CENPU: variants seen among roughly 807,000 people sequenced by gnomAD.
CENPU encodes the protein KSHV latent nuclear antigen interacting protein 1.
Under a neutral mutation model 56.7 loss-of-function variants are expected in CENPU, and 46 were observed. That is an observed-to-expected ratio of 0.81 (90% CI 0.64 to 1.04). The LOEUF (loss-of-function observed/expected upper bound fraction) is 1.04, where lower values mean the gene tolerates loss of function less well. CENPU is among the 50% of genes least tolerant of loss of function. The probability of loss-of-function intolerance (pLI) is 0.00; values close to 1 mark genes in which losing one functional copy is unlikely to be tolerated. For missense variants in CENPU, 510 were observed against 490.1 expected (o/e 1.04, Z -0.38); for synonymous variants, 166 against 163.0 (o/e 1.02, Z -0.14).
intron 1 of CENPU, among the ~76,000 whole-genome samples, chr4:184,732,672 G>A (rs6845294): frequency 0.56 from 84,537 of 151,802 alleles, 25,664 homozygotes; most frequent in Non-Finnish European, 0.69. Flanking sequence ...GTCAAGGTGG[G>A]GCTTCTGAGA....
intron 4 of CENPU, among the ~76,000 whole-genome samples, chr4:184,718,554 T>C (rs1042029107): frequency 6.6e-6 from 1 of 152,000 alleles, no homozygotes; most frequent in African/African-American, 2.4e-5. Context: ...TATGGGCGGG[T>C]AGGCCAGAGA....
intron 6 of CENPU, chr4:184,714,055 A>C (rs1191096628): frequency 1.3e-5 from 2 of 152,236 alleles, no homozygotes; most frequent in Non-Finnish European, 2.9e-5. Context: ...GTAAAGGTAC[A>C]TGGGAAAGAG....
intron 8 of CENPU, among the ~76,000 whole-genome samples, chr4:184,705,552 C>T (rs2150207053): frequency 6.6e-6 from 1 of 150,608 alleles, no homozygotes; most frequent in Middle Eastern, 3.4e-3. Flanking sequence ...CGTGATTCTA[C>T]AATTATCTCA....
chr4:184,705,064 C>A lies in CENPU; in HGVS notation c.798-2623G>T, dbSNP rs577688209. ...ATTACCATATAACCCAACAACTGCA[C>A]TCTTGGGCATTTATCCCAGAGAAAT... is the stretch of plus-strand genomic sequence containing the variant. On this transcript the variant is annotated intron_variant, in intron 8 of 12. Coordinates refer to ENST00000281453, the MANE Select transcript of CENPU (RefSeq NM_024629.4). Among the ~76,000 whole-genome samples, 44 of 152,262 alleles carry A rather than the reference C, an allele frequency of 2.9e-4. No homozygotes were observed. In the South Asian group the frequency reaches 8.7e-3, roughly 30 times the overall value.
intron 3 of CENPU, among the ~76,000 whole-genome samples, chr4:184,727,864 G>C (rs1039557096): frequency 1.3e-5 from 2 of 152,300 alleles, no homozygotes; most frequent in African/African-American, 4.8e-5. Flanking sequence ...GACAAACCCT[G>C]AAAACTAAGT....
chr4:184,724,133 G>A (rs915977671), intron 4 of CENPU, among the ~76,000 whole-genome samples: 1 of 151,950 alleles, frequency 6.6e-6, no homozygotes, highest in Non-Finnish European at 1.5e-5. Context: ...GGGCATGGTG[G>A]CGGGCGCCTG....
chr4:184,726,014 A>C (rs530017582), intron 3 of CENPU, among the ~76,000 whole-genome samples: 3 of 152,342 alleles, frequency 2.0e-5, no homozygotes, highest in African/African-American at 7.2e-5. Context: ...AGAGCCAAGC[A>C]ACCATTTCTT....
At chr4:184,699,199 A>G (rs551017182) in intron 11 of CENPU, among the ~76,000 whole-genome samples, 1 of 152,132 alleles carries the variant, frequency 6.6e-6, no homozygotes, top group South Asian at 2.1e-4. Context: ...GCACAGTGGC[A>G]GGCGCCTGTA....
At chr4:184,709,007 AAGT>A (rs1218943627) in intron 8 of CENPU, among the ~76,000 whole-genome samples, 1 of 149,304 alleles carries the variant, frequency 6.7e-6, no homozygotes, top group Non-Finnish European at 1.5e-5. Flanking sequence ...GAACATCAAA[AAGT>A]AGAATAAAAA....
chr4:184,720,958 TA>T (rs1296809176), intron 4 of CENPU, among the ~76,000 whole-genome samples: 1 of 152,152 alleles, frequency 6.6e-6, no homozygotes, highest in African/African-American at 2.4e-5. Flanking sequence ...TCACTGGTAA[TA>T]TGAAGTACAC....
chr4:184,728,788 CCCCAGAGAACATTA>C, intron 3 of CENPU, 116 bp downstream of exon 3: 1 of 671,958 alleles, frequency 1.5e-6, no homozygotes, highest in South Asian at 1.9e-5. Context: ...ATCAAGTACT[CCCCAGAGAACATTA>C]TATTTACATG....
intron 1 of CENPU, among the ~76,000 whole-genome samples, chr4:184,732,255 A>G (rs1474240157): frequency 2.0e-5 from 3 of 151,704 alleles, no homozygotes; most frequent in African/African-American, 7.3e-5. Flanking sequence ...AGTTAAAAAA[A>G]AAAAGTTAGA....
In CENPU at chr4:184,730,882, C is replaced by T. The variant is rs368524276; in HGVS notation, c.96+38G>A. 3.3e-6 allele frequency: 5 copies of T among 1,528,260 alleles called. No homozygotes were observed. The African/African-American group carries it at 5.7e-5, about 17-fold the overall frequency. 94.7% of individuals were successfully genotyped at this position (1,528,260 alleles called of 1,614,324 possible). On this transcript the variant is annotated intron_variant, in intron 2 of 12. Coordinates refer to ENST00000281453, the MANE Select transcript of CENPU (RefSeq NM_024629.4). ...CCCAAAAAATGTTATTTTGTACTGTCAATTTTGAGAAAACCACAACACAAA... is the reference window on the plus strand; with the variant it reads ...CCCAAAAAATGTTATTTTGTACTGTTAATTTTGAGAAAACCACAACACAAA...
chr4:184,709,015 T>A (rs1229809611), intron 8 of CENPU, among the ~76,000 whole-genome samples: 1 of 148,850 alleles, frequency 6.7e-6, no homozygotes, highest in Non-Finnish European at 1.5e-5. Context: ...AAAAGTAGAA[T>A]AAAAAAGTTA....
chr4:184,733,315 C>T, intron 1 of CENPU: 1 of 986,364 alleles, frequency 1.0e-6, no homozygotes, highest in Non-Finnish European at 1.2e-6. Flanking sequence ...TCCAGGCAGC[C>T]TTCCCAGGCC....
chr4:184,732,967 C>A (rs1761703411), intron 1 of CENPU, among the ~76,000 whole-genome samples: 1 of 139,638 alleles, frequency 7.2e-6, no homozygotes, highest in Non-Finnish European at 1.5e-5. Context: ...GCCTGGGCCA[C>A]AGAGTGAGAC....
At chr4:184,731,303 T>C (rs1355641433) in intron 1 of CENPU, among the ~76,000 whole-genome samples, 1 of 152,208 alleles carries the variant, frequency 6.6e-6, no homozygotes, top group Non-Finnish European at 1.5e-5. Flanking sequence ...CTGGCTCTCC[T>C]ACGTCCTTTT....
Position 184,697,637 on chromosome 4 carries a change from T to C in CENPU, c.1143+10A>G. The stretch of plus-strand genomic sequence containing the variant: ...TTCTGAAGCATGGTAAAAAGTAAAA[T>C]TGGAGTTACCGTTTCCTTTACGTTT... On this transcript the variant is annotated intron_variant, in intron 12 of 12. Coordinates refer to ENST00000281453, the MANE Select transcript of CENPU (RefSeq NM_024629.4). 1.2e-6 allele frequency: 2 copies of C among 1,612,030 alleles called. No homozygotes were observed. Among genetic ancestry groups the C allele is most frequent in the South Asian group, 2.2e-5 (2 of 90,656 alleles).
rs1387235682 is a variant in CENPU at position 184,734,083 on chromosome 4, A to G, written c.-21T>C. 4.5e-6 allele frequency: 7 copies of G among 1,543,384 alleles called. No individual in the cohort carries two copies. The highest frequency in any genetic ancestry group is 6.1e-6 in the Non-Finnish European group (7 of 1,146,338). On this transcript the variant is annotated 5_prime_UTR_variant, in exon 1 of 13. Transcript: ENST00000281453. ...GCCATGGTGCCGCTCTCCGCTCTCG[A>G]GCGACTGGAAGCTCCCGCCAAGCCC...
Sources: allele counts gnomAD v4.1 joint callset (sites outside exome capture counted in the v4.1 genomes callset), GRCh38; gene constraint gnomAD v4.1.1; transcripts MANE v1.5; gene names NCBI Gene and HGNC (gene_info 2026-07-23, HGNC 2026-07-21).